Variants in ADGRV1 observed in about 807,000 individuals in gnomAD.
ADGRV1 encodes the protein G-protein coupled receptor 98.
Under a neutral mutation model 596.2 loss-of-function variants are expected in ADGRV1, and 359 were observed. The ratio of observed to expected loss-of-function variants is 0.60; its 90% CI spans 0.55 to 0.66. The LOEUF is 0.66. Ranked by LOEUF, ADGRV1 falls within the 30% of genes least tolerant of loss-of-function variation. The pLI, the probability that ADGRV1 is intolerant of heterozygous loss-of-function variation, is 0.00. For synonymous variants in ADGRV1, 2,681 were observed against 2,679.2 expected (o/e 1.00, Z -0.02); for missense variants, 7,274 against 7,575.6 (o/e 0.96, Z 1.48).
intron 53 of ADGRV1, among the ~76,000 whole-genome samples, chr5:90,753,199 G>A (rs752432410): frequency 6.6e-6 from 1 of 152,092 alleles, no homozygotes; most frequent in Non-Finnish European, 1.5e-5. Context: ...CAAAAGTTTT[G>A]CAGAGAAAAA....
At chr5:90,712,572 C>A (rs1488619594) in intron 42 of ADGRV1, 144 bp downstream of exon 42, 2 of 659,838 alleles carry the variant, frequency 3.0e-6, no homozygotes, top group Admixed American at 3.0e-5. Flanking sequence ...TTTCAGAATT[C>A]CTGTGTCTGT....
chr5:90,812,355 C>T (rs1762516641), intron 74 of ADGRV1, among the ~76,000 whole-genome samples: 1 of 152,126 alleles, frequency 6.6e-6, no homozygotes, highest in East Asian at 1.9e-4. Flanking sequence ...AAAGTGACAA[C>T]TTATAATTGT....
rs547343648 is a variant in ADGRV1, at chr5:90,811,321, C to T, written c.16061C>T (p.Ala5354Val). The T allele has an allele frequency of 3.7e-6, 6 of 1,603,592 alleles. No homozygotes were observed. The East Asian group carries it at 8.9e-5, about 24-fold the overall frequency. ...EKDDTGFAAF[A>V]MVIITGSDLH... is the part of the protein sequence containing the mutation. ...GATGATACTGGATTTGCAGCTTTTG[C>T]CATGGTTATTATTACAGGTATATCT... Residue 5354 changes from alanine to valine, a missense_variant, in exon 74 of 90, where the codon GCC (alanine) becomes GTC (valine). Physicochemically the swap from Ala to Val is moderately conservative, Grantham distance 64. This residue lies in a region of ADGRV1 where 1,874 missense variants were observed against 1,970.2 expected (regional missense o/e 0.95). Transcript: ENST00000405460.
chr5:91,160,606 C>T (rs1029397260), intron 89 of ADGRV1, among the ~76,000 whole-genome samples: 1 of 152,168 alleles, frequency 6.6e-6, no homozygotes, highest in Non-Finnish European at 1.5e-5. Context: ...AGGAAAGTGT[C>T]CCTGTTATCA....
chr5:90,928,761 T>G (rs899506950), intron 83 of ADGRV1, among the ~76,000 whole-genome samples: 2 of 151,776 alleles, frequency 1.3e-5, no homozygotes, highest in Non-Finnish European at 2.9e-5. Context: ...ATCTTTGTGT[T>G]TTTATCTACT....
chr5:90,582,391 A>G lies in ADGRV1; in HGVS notation c.22+23474A>G, dbSNP rs932621568. Among the ~76,000 whole-genome samples, 4 of 152,282 alleles carry G rather than the reference A, an allele frequency of 2.6e-5. No individual in the cohort carries two copies. The South Asian group carries it at 8.3e-4, about 32-fold the overall frequency. On this transcript the variant is annotated intron_variant, in intron 1 of 89. Coordinates refer to ENST00000405460, the MANE Select transcript of ADGRV1 (RefSeq NM_032119.4). Reference sequence around the variant, plus strand: ...GGGTGCTCTAGAGTTGGGTGTGTATATATTTAGGATAGCCAGAGCTTCTTG... The same window carrying G: ...GGGTGCTCTAGAGTTGGGTGTGTATGTATTTAGGATAGCCAGAGCTTCTTG...
At chr5:91,090,901 GGGATAGGATA>G (rs1022997063) in intron 86 of ADGRV1, among the ~76,000 whole-genome samples, 1 of 152,056 alleles carries the variant, frequency 6.6e-6, no homozygotes, top group East Asian at 1.9e-4. Context: ...TAGAGTGGAT[GGGATAGGATA>G]GGATAGGATA....
chr5:90,723,166 A>T (rs866939626), intron 45 of ADGRV1, among the ~76,000 whole-genome samples: 7 of 152,190 alleles, frequency 4.6e-5, no homozygotes, highest in African/African-American at 1.2e-4. Context: ...ACCATTTTGA[A>T]TAGAGGTGAA....
intron 83 of ADGRV1, among the ~76,000 whole-genome samples, chr5:90,870,627 A>G (rs1402951016): frequency 6.6e-6 from 1 of 152,224 alleles, no homozygotes; most frequent in Non-Finnish European, 1.5e-5. Flanking sequence ...GAGTAAATGG[A>G]TAGGAAGAAA....
chr5:90,927,057 T>C (rs1273633591), intron 83 of ADGRV1, among the ~76,000 whole-genome samples: 4 of 147,664 alleles, frequency 2.7e-5, no homozygotes, highest in South Asian at 2.2e-4. Flanking sequence ...CTTCCAAGTA[T>C]GTGGTCAATT....
chr5:91,032,231 A>G (rs1179783633), intron 85 of ADGRV1, among the ~76,000 whole-genome samples: 1 of 152,252 alleles, frequency 6.6e-6, no homozygotes, highest in Non-Finnish European at 1.5e-5. Context: ...GTGTGGCTCC[A>G]ATAGAGTGAA....
chr5:90,912,935 C>T (rs1209364075), intron 83 of ADGRV1, among the ~76,000 whole-genome samples: 1 of 152,158 alleles, frequency 6.6e-6, no homozygotes, highest in African/African-American at 2.4e-5. Context: ...ATTTATTTCT[C>T]TGTAGTAGAA....
chr5:91,051,594 T>C (rs1235467746), intron 85 of ADGRV1, among the ~76,000 whole-genome samples: 3 of 142,210 alleles, frequency 2.1e-5, no homozygotes, highest in Admixed American at 7.7e-5. Flanking sequence ...TCGCCCAGGC[T>C]GGAGTGCAGT....
chr5:90,885,474 A>T (rs910680312), intron 83 of ADGRV1, among the ~76,000 whole-genome samples: 2 of 152,196 alleles, frequency 1.3e-5, no homozygotes, highest in African/African-American at 4.8e-5. Flanking sequence ...TAACTCCTTC[A>T]AATTAAAGTT....
intron 52 of ADGRV1, among the ~76,000 whole-genome samples, chr5:90,749,769 G>A (rs1408658551): frequency 2.0e-5 from 3 of 152,158 alleles, no homozygotes; most frequent in Admixed American, 6.5e-5. Flanking sequence ...GACAAGAGAC[G>A]TTGTGTATGT....
Position 90,629,426 on chromosome 5 carries a change from A to T in ADGRV1, c.1726A>T (p.Asn576Tyr). 6.2e-7 allele frequency: 1 copy of T among 1,613,724 alleles called. No homozygotes were observed. The highest frequency in any genetic ancestry group is 8.5e-7 in the Non-Finnish European group (1 of 1,179,788). Residue 576 changes from asparagine (N) to tyrosine (Y), a missense_variant, in exon 9 of 90, where the codon AAT becomes TAT. Around this residue, in one of 5 missense-constraint regions of ADGRV1, gnomAD observed 1,715 missense variants for 1,708.8 expected, o/e 1.00. Coordinates refer to ENST00000405460, the MANE Select transcript of ADGRV1 (RefSeq NM_032119.4). ...CTTGCAAGCAAAAGAAGGCATCTTAAATATATCAAGGAGAAATGACCTCAT... is the reference window on the plus strand; with the variant it reads ...CTTGCAAGCAAAAGAAGGCATCTTATATATATCAAGGAGAAATGACCTCAT... ...DPLQAKEGIL[N>Y]ISRRNDLIFP...
At chr5:90,584,806 TCTA>T (rs1758535361) in intron 1 of ADGRV1, among the ~76,000 whole-genome samples, 1 of 152,164 alleles carries the variant, frequency 6.6e-6, no homozygotes, top group South Asian at 2.1e-4. Context: ...AGTATTAAGT[TCTA>T]CTATATTTTA....
At chr5:90,908,147 G>C (rs2150676091) in intron 83 of ADGRV1, among the ~76,000 whole-genome samples, 1 of 152,224 alleles carries the variant, frequency 6.6e-6, no homozygotes, top group East Asian at 1.9e-4. Context: ...CACCGTTTCA[G>C]GCCGGAATTT....
Position 90,643,010 on chromosome 5 carries a change from C to G in ADGRV1, c.2522C>G (p.Thr841Ser), listed in dbSNP as rs748343266. 5 of 1,613,224 alleles carry G rather than the reference C, an allele frequency of 3.1e-6. No homozygotes were observed. Among genetic ancestry groups the G allele is most frequent in the African/African-American group, 1.3e-5 (1 of 74,866 alleles). The change falls in exon 13 of 90, where the codon ACC becomes AGC. Residue 841 changes from threonine to serine, a missense_variant. Transcript: ENST00000405460. ...CCTGGAGAAAGGGAGATAGTGATCA[C>G]CTTGCTAGCAAGATTGGATGGGATA... Reference protein sequence around the residue: ...FKPGEREIVITLLARLDGIPE... With the variant: ...FKPGEREIVISLLARLDGIPE...
Sources: allele counts gnomAD v4.1 joint callset (sites outside exome capture counted in the v4.1 genomes callset), GRCh38; gene constraint gnomAD v4.1.1; regional missense constraint gnomAD v4.1.1; transcripts MANE v1.5; gene names NCBI Gene and HGNC (gene_info 2026-07-23, HGNC 2026-07-21).